Variants in ATXN1 observed in about 807,000 individuals in gnomAD.
The protein encoded by ATXN1 is ataxin-1.
Under a neutral mutation model 56.4 loss-of-function variants are expected in ATXN1, and 8 were observed. The ratio of observed to expected loss-of-function variants is 0.14; its 90% CI spans 0.08 to 0.26. The LOEUF (loss-of-function observed/expected upper bound fraction) is 0.26. ATXN1 is among the 10% of genes least tolerant of loss of function. The pLI is 1.00. For missense variants in ATXN1, 987 were observed against 1,106.5 expected (o/e 0.89, Z 1.53); for synonymous variants, 514 against 494.6 (o/e 1.04, Z -0.52).
At chr6:16,606,470 G>A (rs1461177082) in intron 3 of ATXN1, among the ~76,000 whole-genome samples, 1 of 151,830 alleles carries the variant, frequency 6.6e-6, no homozygotes, top group East Asian at 1.9e-4. Context: ...GGGATAATGG[G>A]CAGCCCTGTT....
At position 16,328,467 on chromosome 6, in the gene ATXN1, G is replaced by A; in HGVS notation, c.-157C>T. The A allele has an allele frequency of 7.9e-7, 1 of 1,271,038 alleles. No individual in the cohort carries two copies. The highest frequency in any genetic ancestry group is 1.0e-6 in the Non-Finnish European group (1 of 997,344). The allele number at this position is 1,271,038 out of a possible 1,614,324, so 78.7% of individuals were successfully genotyped here. A position where few individuals can be genotyped will look rare whatever the true frequency, so the allele number is the denominator to read the frequency against. ...GTACAATCCGCCAACAGCAGCTCTGGATGCTGGGAAAGGGAAGAGGGCAGT... is the reference window on the plus strand; with the variant it reads ...GTACAATCCGCCAACAGCAGCTCTGAATGCTGGGAAAGGGAAGAGGGCAGT... On this transcript the variant is annotated 5_prime_UTR_variant, in exon 7 of 8. Coordinates refer to ENST00000436367, the MANE Select transcript of ATXN1 (RefSeq NM_001128164.2). The surrounding 1 kb of genome is among the most constrained non-coding windows in gnomAD (Gnocchi z 6.2).
intron 7 of ATXN1, among the ~76,000 whole-genome samples, chr6:16,308,130 A>G (rs1760298284): frequency 6.6e-6 from 1 of 152,120 alleles, no homozygotes; most frequent in South Asian, 2.1e-4. Flanking sequence ...CTCTGAGACC[A>G]GCCTGGCCAG....
At position 16,326,936 on chromosome 6, in the gene ATXN1, G is replaced by T. The variant is rs748598196; in HGVS notation, c.1375C>A (p.Pro459Thr). 20 of 1,614,028 alleles carry T rather than the reference G, an allele frequency of 1.2e-5. No homozygotes were observed. The South Asian group carries it at 1.4e-4, about 12-fold the overall frequency. Residue 459 changes from proline to threonine, a missense_variant, in exon 7 of 8, where the codon CCC becomes ACC. Pro to Thr is a conservative substitution (Grantham distance 38). This residue lies in a region of ATXN1 where 723 missense variants were observed against 791.7 expected (regional missense o/e 0.91). Coordinates refer to ENST00000436367, the MANE Select transcript of ATXN1 (RefSeq NM_001128164.2). The surrounding 1 kb of genome is among the most constrained non-coding windows in gnomAD (Gnocchi z 6.6). ...PATAFYAGTQ[P>T]PVIGYLSGQQ... is the part of the protein sequence containing the mutation. ...CCGCTCAGGTAGCCGATGACAGGGG[G>T]TTGAGTCCCTGCGTAGAAGGCCGTG...
chr6:16,669,640 A>G (rs1581348990), intron 2 of ATXN1, among the ~76,000 whole-genome samples: 1 of 135,532 alleles, frequency 7.4e-6, no homozygotes, highest in Non-Finnish European at 1.6e-5. Flanking sequence ...AACTGCTCCT[A>G]TTGCTCTCTG....
chr6:16,384,590 C>T (rs1180375380), intron 6 of ATXN1, among the ~76,000 whole-genome samples: 1 of 152,234 alleles, frequency 6.6e-6, no homozygotes, highest in African/African-American at 2.4e-5. Flanking sequence ...TTGTAATCCC[C>T]AGTGTTTGGA....
chr6:16,730,483 G>GTATATATATATATATATATATATATA (rs1283942311), intron 2 of ATXN1, among the ~76,000 whole-genome samples: 53 of 74,504 alleles, frequency 7.1e-4, no homozygotes, highest in African/African-American at 2.3e-3. Flanking sequence ...GGGTAAAACA[G>GTATATATATATATATATATATATATA]TATGTATATA....
chr6:16,541,875 T>C (rs3765273), intron 4 of ATXN1, among the ~76,000 whole-genome samples: 49,129 of 152,056 alleles, frequency 0.32, 8,107 homozygotes, highest in Middle Eastern at 0.36. Context: ...TCAGGATTTC[T>C]GACATCTTGC....
chr6:16,311,088 T>A (rs1188095292), intron 7 of ATXN1, among the ~76,000 whole-genome samples: 1 of 152,228 alleles, frequency 6.6e-6, no homozygotes, highest in Non-Finnish European at 1.5e-5. Context: ...TTCTGGGCTA[T>A]TTTTATAATG....
chr6:16,471,727 G>C (rs564385687), intron 6 of ATXN1, among the ~76,000 whole-genome samples: 1 of 151,022 alleles, frequency 6.6e-6, no homozygotes, highest in African/African-American at 2.4e-5. Context: ...GAAAGAGAGA[G>C]AGTCTGTCAT....
chr6:16,540,059 A>G (rs1434568860), intron 4 of ATXN1, among the ~76,000 whole-genome samples: 1 of 152,234 alleles, frequency 6.6e-6, no homozygotes, highest in East Asian at 1.9e-4. Flanking sequence ...TTCCGCTCGA[A>G]CACGGGATGC....
intron 2 of ATXN1, among the ~76,000 whole-genome samples, chr6:16,713,428 T>G (rs1173202340): frequency 6.6e-6 from 1 of 152,232 alleles, no homozygotes; most frequent in Non-Finnish European, 1.5e-5. Flanking sequence ...GCTGATGCTG[T>G]GTAGAAATGA....
At chr6:16,594,229 T>G (rs921286063) in intron 3 of ATXN1, among the ~76,000 whole-genome samples, 2 of 147,378 alleles carry the variant, frequency 1.4e-5, no homozygotes, top group Non-Finnish European at 3.0e-5. Context: ...TTAGAAACAA[T>G]GCTGTGTCCA....
At chr6:16,315,137 G>A (rs1349692041) in intron 7 of ATXN1, among the ~76,000 whole-genome samples, 1 of 151,988 alleles carries the variant, frequency 6.6e-6, no homozygotes, top group East Asian at 1.9e-4. Flanking sequence ...CTCAGATGTC[G>A]AATGGGCAAC....
intron 6 of ATXN1, among the ~76,000 whole-genome samples, chr6:16,402,068 T>C (rs948307822): frequency 7.2e-5 from 11 of 151,922 alleles, no homozygotes; most frequent in Admixed American, 1.3e-4. Flanking sequence ...GACTTATCCA[T>C]TACCACGAGA....
chr6:16,591,924 C>A (rs138939256), intron 3 of ATXN1, among the ~76,000 whole-genome samples: 6 of 152,120 alleles, frequency 3.9e-5, no homozygotes, highest in African/African-American at 1.4e-4. Context: ...ATCAGCATTA[C>A]ATAAAAGATG....
At chr6:16,521,649 T>C (rs926372616) in intron 5 of ATXN1, among the ~76,000 whole-genome samples, 1 of 152,246 alleles carries the variant, frequency 6.6e-6, no homozygotes, top group Non-Finnish European at 1.5e-5. Context: ...AGGAACCCTG[T>C]TAGCCATTCT....
At chr6:16,438,596 C>G (rs1759441022) in intron 6 of ATXN1, among the ~76,000 whole-genome samples, 2 of 152,166 alleles carry the variant, frequency 1.3e-5, no homozygotes, top group Non-Finnish European at 2.9e-5. Context: ...TCTCCTGAAA[C>G]ATACCAAGAT....
intron 5 of ATXN1, among the ~76,000 whole-genome samples, chr6:16,505,049 G>C (rs1445142485): frequency 1.4e-5 from 2 of 148,114 alleles, no homozygotes; most frequent in Non-Finnish European, 3.0e-5. Context: ...TGGGATCATG[G>C]CTACTGCCTT....
Position 16,353,750 on chromosome 6 carries a change from G to A in ATXN1, c.-160-25280C>T, listed in dbSNP as rs114760086. Among the ~76,000 whole-genome samples the A allele has an allele frequency of 3.5e-3, 537 of 152,280 alleles. 5 individuals carry two copies. The highest frequency in any genetic ancestry group is 0.012 in the African/African-American group (507 of 41,544). On this transcript the variant is annotated intron_variant, in intron 6 of 7. Transcript: ENST00000436367. ...ACTTGAAGCAGTGAAAAACAGCTTC[G>A]TCTACGAGAATAAATAAATAAAAAC...
Sources: gnomAD v4.1 joint callset for allele counts (sites outside exome capture counted in the v4.1 genomes callset) on GRCh38, gnomAD v4.1.1 for gene constraint, gnomAD v4.1.1 regional missense constraint, Gnocchi (gnomAD v3.1) non-coding constraint, MANE v1.5 for transcripts, NCBI Gene and HGNC (gene_info 2026-07-23, HGNC 2026-07-21) for gene names.